Variants in KCTD19 observed in about 807,000 individuals in gnomAD.
KCTD19 encodes the protein BTB/POZ domain-containing protein KCTD19.
Under a neutral mutation model 103.5 loss-of-function variants are expected in KCTD19, and 67 were observed. The ratio of observed to expected loss-of-function variants is 0.65; its 90% CI spans 0.53 to 0.79. The LOEUF is 0.79. KCTD19 is among the 30% of genes least tolerant of loss of function. The pLI is 0.00. For missense variants in KCTD19, 980 were observed against 1,136.1 expected, an observed-to-expected ratio of 0.86 and a Z score of 1.98; for synonymous variants, 439 against 452.2, an observed-to-expected ratio of 0.97 and a Z score of 0.37.
Position 67,320,965 on chromosome 16 carries a change from ATC to A in KCTD19, c.4-82_4-81del. On this transcript the variant is annotated intron_variant, in intron 1 of 15. Coordinates refer to ENST00000304372, the MANE Select transcript of KCTD19 (RefSeq NM_001100915.3). This position sits in a 1 kb window ranked among gnomAD's most constrained non-coding sequence, Gnocchi z 4.0. ...CAGATTGAAAAGGTAGAAATAAACT[ATC>A]TCTGTTTGCTGATGACATGATCTTG... 2.5e-6 allele frequency: 3 copies of A among 1,219,138 alleles called. No homozygotes were observed. Among genetic ancestry groups the A allele is most frequent in the Non-Finnish European group, 1.1e-6 (1 of 877,748 alleles). 75.5% of individuals were successfully genotyped at this position (1,219,138 alleles called of 1,614,324 possible).
chr16:67,320,116 G>A lies in KCTD19; in HGVS notation c.300+473C>T, dbSNP rs996549160. 6.6e-6 allele frequency among the ~76,000 whole-genome samples: 1 copy of A among 152,234 alleles called. No homozygotes were observed. Among genetic ancestry groups the A allele is most frequent in the African/African-American group, 2.4e-5 (1 of 41,464 alleles). On this transcript the variant is annotated intron_variant, in intron 2 of 15. Coordinates refer to ENST00000304372, the MANE Select transcript of KCTD19 (RefSeq NM_001100915.3). The surrounding 1 kb of genome is among the most constrained non-coding windows in gnomAD (Gnocchi z 4.0). The stretch of plus-strand genomic sequence containing the variant: ...TTTATTAAGAACATATAGGCGGGGT[G>A]TAGTGGCTCATGCCGGTAATCCCAG...
In KCTD19 at chr16:67,296,236, C is replaced by G. The variant is rs146544751; in HGVS notation, c.1171G>C (p.Val391Leu). Residue 391 changes from valine (V) to leucine (L), a missense_variant, in exon 8 of 16, where the codon GTG becomes CTG. Coordinates refer to ENST00000304372, the MANE Select transcript of KCTD19 (RefSeq NM_001100915.3). ...VLNEWTAEITVYSPQQIIKVY... is the reference protein window; with the variant it reads ...VLNEWTAEITLYSPQQIIKVY... ...TTGATGATCTGTTGTGGGGAATACA[C>G]AGTGATCTCTGCCGTCCACTCATCT... is the stretch of plus-strand genomic sequence containing the variant. The G allele has an allele frequency of 3.7e-6, 6 of 1,612,872 alleles. No homozygotes were observed. The highest frequency in any genetic ancestry group is 2.7e-5 in the African/African-American group (2 of 74,906).
At chr16:67,295,729 C>T (rs1567448018) in intron 8 of KCTD19, 4 of 332,210 alleles carry the variant, frequency 1.2e-5, no homozygotes, top group East Asian at 1.2e-4. Flanking sequence ...GCAGGCCACT[C>T]GGTCCACTTG....
Position 67,320,913 on chromosome 16 carries a change from C to T in KCTD19, c.4-28G>A, listed in dbSNP as rs79728930. Reference sequence around the variant, plus strand: ...AAAGGGGGAATGAAAAAGAGATCTACGCAAGAAAAAGAAATAAAAAGGCAT... The same window carrying T: ...AAAGGGGGAATGAAAAAGAGATCTATGCAAGAAAAAGAAATAAAAAGGCAT... On this transcript the variant is annotated intron_variant, in intron 1 of 15. Transcript: ENST00000304372. This position sits in a 1 kb window ranked among gnomAD's most constrained non-coding sequence, Gnocchi z 4.0. 521 of 1,563,976 alleles carry T rather than the reference C, an allele frequency of 3.3e-4. No homozygotes were observed. In the East Asian group the frequency reaches 8.0e-3, roughly 24 times the overall value.
chr16:67,296,049 C>A (rs1004135931), intron 8 of KCTD19, 110 bp downstream of exon 8: 1 of 739,722 alleles, frequency 1.4e-6, no homozygotes, highest in Non-Finnish European at 2.5e-6. Context: ...GGCGGGAAAG[C>A]CTTTGTTCTA....
intron 2 of KCTD19, among the ~76,000 whole-genome samples, chr16:67,307,036 T>A (rs1412043928): frequency 6.6e-6 from 1 of 152,202 alleles, no homozygotes. Flanking sequence ...CCTTAGCAAC[T>A]GTTTTCTTTT....
chr16:67,312,029 A>T (rs1020710705), intron 2 of KCTD19, among the ~76,000 whole-genome samples: 3 of 152,222 alleles, frequency 2.0e-5, no homozygotes, highest in Admixed American at 6.5e-5. Flanking sequence ...GATCAACATA[A>T]AAACTCCCTG....
At chr16:67,316,532 A>G (rs2037015074) in intron 2 of KCTD19, among the ~76,000 whole-genome samples, 1 of 152,230 alleles carries the variant, frequency 6.6e-6, no homozygotes, top group Non-Finnish European at 1.5e-5. Flanking sequence ...GTAGCAATAT[A>G]CTTTTGTTTA....
intron 4 of KCTD19, chr16:67,302,685 C>CCA (rs1238241366): frequency 6.0e-6 from 1 of 165,504 alleles, no homozygotes; most frequent in Non-Finnish European, 1.3e-5. Flanking sequence ...CTGTCACCAT[C>CCA]CACCCTCCTT....
At chr16:67,310,570 T>A (rs1160448180) in intron 2 of KCTD19, among the ~76,000 whole-genome samples, 2 of 152,208 alleles carry the variant, frequency 1.3e-5, no homozygotes, top group Non-Finnish European at 2.9e-5. Flanking sequence ...GATGGCTAAT[T>A]TCTAGCACAA....
In KCTD19 at chr16:67,297,523, A is replaced by T; in HGVS notation, c.1127T>A (p.Leu376Ter). ...ALKTHLEPRT[L>*]APMDVLNEWT... Reference sequence around the variant, plus strand: ...CTTACTGAGCACATCCATGGGTGCCAAAGTCCTTGGCTCCAGATGAGTCTT... The same window carrying T: ...CTTACTGAGCACATCCATGGGTGCCTAAGTCCTTGGCTCCAGATGAGTCTT... The change falls in exon 7 of 16, where the codon TTG becomes TAG. Residue 376 changes from leucine to a stop codon, truncating the protein, a stop_gained. Transcript: ENST00000304372. LOFTEE classifies it high-confidence loss of function. 2.5e-6 allele frequency: 4 copies of T among 1,614,138 alleles called. No individual in the cohort carries two copies. Among genetic ancestry groups the T allele is most frequent in the Non-Finnish European group, 2.5e-6 (3 of 1,180,002 alleles).
chr16:67,313,858 CTT>C (rs753299102), intron 2 of KCTD19, among the ~76,000 whole-genome samples: 26 of 141,764 alleles, frequency 1.8e-4, no homozygotes, highest in Admixed American at 2.1e-4. Flanking sequence ...TGCACCCGGC[CTT>C]TTTTTTTTTT....
chr16:67,325,199 C>CTTTTTTT (rs918808425), intron 1 of KCTD19, among the ~76,000 whole-genome samples: 15 of 132,328 alleles, frequency 1.1e-4, no homozygotes, highest in African/African-American at 4.5e-4. Context: ...TTCTTTTTTT[C>CTTTTTTT]TTTTTTTCTT....
At chr16:67,291,508 A>G (rs2036695100) in intron 13 of KCTD19, 45 bp from the exon 14 acceptor site, 1 of 1,594,866 alleles carries the variant, frequency 6.3e-7, no homozygotes, top group Non-Finnish European at 8.6e-7. Context: ...GTCAATAGCT[A>G]GGGCCTTAGA....
rs559306063 is a variant in KCTD19, at chr16:67,303,018, G to C, written c.643+128C>G. 8.0e-5 allele frequency: 65 copies of C among 813,436 alleles called. No homozygotes were observed. Among genetic ancestry groups the C allele is most frequent in the Non-Finnish European group, 1.2e-4 (60 of 513,170 alleles). The allele number at this position is 813,436 out of a possible 1,614,324, so 50.4% of individuals were successfully genotyped here. ...TCCTGGAAGGCTCTGTCATGCTTCC[G>C]CTACCTCTGCCCAGGGAAGCTCCTG... On this transcript the variant is annotated intron_variant, in intron 4 of 15. Coordinates refer to ENST00000304372, the MANE Select transcript of KCTD19 (RefSeq NM_001100915.3). The surrounding 1 kb of genome is among the most constrained non-coding windows in gnomAD (Gnocchi z 4.3).
rs2036734105 is a variant in KCTD19 at position 67,294,026 on chromosome 16, G to T, written c.1736C>A (p.Ala579Asp). 6.2e-7 allele frequency: 1 copy of T among 1,614,062 alleles called. No homozygotes were observed. The highest frequency in any genetic ancestry group is 1.3e-5 in the African/African-American group (1 of 74,916). ...TGTGCTAGGGTTGCCAGCCCTCTTG[G>T]CATTTCGGCATAGGGACACCTGGAT... ...RPIQVSLCRN[A>D]KRAGNPSTYS... Residue 579 changes from alanine to aspartate, a missense_variant, in exon 12 of 16, where the codon GCC becomes GAC. Physicochemically the swap from Ala to Asp is moderately radical, Grantham distance 126 (BLOSUM62 -2). Coordinates refer to ENST00000304372, the MANE Select transcript of KCTD19 (RefSeq NM_001100915.3).
chr16:67,293,435 G>A lies in KCTD19; in HGVS notation c.2218+109C>T, dbSNP rs1228572683. The A allele has an allele frequency of 8.2e-7, 1 of 1,216,408 alleles. No individual in the cohort carries two copies. The highest frequency in any genetic ancestry group is 2.3e-5 in the East Asian group (1 of 42,796). The allele number at this position is 1,216,408 out of a possible 1,614,324, so 75.4% of individuals were successfully genotyped here. The stretch of plus-strand genomic sequence containing the variant: ...CCTGGCACAGAGATGGCATTGGTGA[G>A]CGGGGGGGTCTAGTCCTCCTTTGTC... On this transcript the variant is annotated intron_variant, in intron 12 of 15. Coordinates refer to ENST00000304372, the MANE Select transcript of KCTD19 (RefSeq NM_001100915.3). This position sits in a 1 kb window ranked among gnomAD's most constrained non-coding sequence, Gnocchi z 4.0.
At chr16:67,297,976 G>A (rs1311123411) in intron 6 of KCTD19, among the ~76,000 whole-genome samples, 1 of 150,644 alleles carries the variant, frequency 6.6e-6, no homozygotes, top group African/African-American at 2.4e-5. Flanking sequence ...ATTTTTAGTA[G>A]AGACGGGGTT....
chr16:67,309,449 G>A (rs1029439442), intron 2 of KCTD19, among the ~76,000 whole-genome samples: 11 of 152,254 alleles, frequency 7.2e-5, no homozygotes, highest in Admixed American at 2.6e-4. Context: ...AGAGAGGATG[G>A]CAAGAAGAAA....
Sources: gnomAD v4.1 joint callset for allele counts (sites outside exome capture counted in the v4.1 genomes callset) on GRCh38, gnomAD v4.1.1 for gene constraint, Gnocchi (gnomAD v3.1) non-coding constraint, MANE v1.5 for transcripts, NCBI Gene and HGNC (gene_info 2026-07-23, HGNC 2026-07-21) for gene names.